The following PKP4 variants were observed in gnomAD, a reference collection of about 807,000 sequenced individuals.
PKP4 encodes plakophilin-4.
Under a neutral mutation model 145.1 loss-of-function variants are expected in PKP4, and 90 were observed. The ratio of observed to expected loss-of-function variants is 0.62; its 90% CI spans 0.52 to 0.74. The LOEUF is 0.74. PKP4 is among the 30% of genes least tolerant of loss of function. PKP4 has a pLI of 0.00. For missense variants in PKP4, 1,340 were observed against 1,482.7 expected (o/e 0.90, Z 1.58); for synonymous variants, 563 against 577.2 (o/e 0.98, Z 0.35).
chr2:158,504,044 A>G (rs1295197585), intron 1 of PKP4, among the ~76,000 whole-genome samples: 1 of 139,418 alleles, frequency 7.2e-6, no homozygotes, highest in Non-Finnish European at 1.5e-5. Flanking sequence ...TAGATTTTAT[A>G]GTTCACAAAA....
At chr2:158,496,166 G>T (rs1695681497) in intron 1 of PKP4, among the ~76,000 whole-genome samples, 1 of 25,306 alleles carries the variant, frequency 4.0e-5, no homozygotes, top group South Asian at 2.0e-3. Context: ...ATTTTTAGTA[G>T]AGACAGGTTT....
At chr2:158,559,926 G>A (rs893067676) in intron 2 of PKP4, among the ~76,000 whole-genome samples, 3 of 151,948 alleles carry the variant, frequency 2.0e-5, no homozygotes, top group Admixed American at 6.5e-5. Context: ...GAGTGCAGTG[G>A]CGCGATCTTG....
At chr2:158,608,861 C>T (rs1236217194) in intron 4 of PKP4, among the ~76,000 whole-genome samples, 4 of 123,500 alleles carry the variant, frequency 3.2e-5, no homozygotes, top group East Asian at 2.4e-4. Flanking sequence ...TTGCCATAGC[C>T]GAAGTTCGGT....
intron 3 of PKP4, among the ~76,000 whole-genome samples, chr2:158,598,683 G>A (rs948249932): frequency 3.3e-5 from 5 of 152,062 alleles, no homozygotes; most frequent in African/African-American, 1.2e-4. Flanking sequence ...GGAGGAGAAT[G>A]GTGTGAACCT....
chr2:158,561,735 C>G (rs1206411635), intron 2 of PKP4, among the ~76,000 whole-genome samples: 1 of 152,052 alleles, frequency 6.6e-6, no homozygotes. Context: ...CTCTGCTTTT[C>G]CCTCTTTCTC....
At chr2:158,514,833 CAGG>C (rs2041808968) in intron 1 of PKP4, among the ~76,000 whole-genome samples, 1 of 152,046 alleles carries the variant, frequency 6.6e-6, no homozygotes, top group Admixed American at 6.6e-5. Flanking sequence ...CCCAGCTACT[CAGG>C]AGGCTGAGGC....
At chr2:158,506,085 A>G (rs1308729247) in intron 1 of PKP4, among the ~76,000 whole-genome samples, 1 of 152,250 alleles carries the variant, frequency 6.6e-6, no homozygotes, top group Admixed American at 6.5e-5. Context: ...AGTACTTTCA[A>G]ATTAGATGAT....
chr2:158,589,971 T>C (rs899473679), intron 3 of PKP4, among the ~76,000 whole-genome samples: 8 of 152,104 alleles, frequency 5.3e-5, no homozygotes, highest in Non-Finnish European at 1.2e-4. Context: ...AAAATGTACA[T>C]GGCATGTCTG....
chr2:158,534,134 G>A (rs1308790222), intron 2 of PKP4, among the ~76,000 whole-genome samples: 2 of 151,780 alleles, frequency 1.3e-5, no homozygotes, highest in Non-Finnish European at 2.9e-5. Context: ...GCCACTAGAT[G>A]TTTTTTTCTC....
chr2:158,524,516 C>T (rs187442871), intron 1 of PKP4, among the ~76,000 whole-genome samples: 12 of 73,192 alleles, frequency 1.6e-4, no homozygotes, highest in South Asian at 6.2e-4. Context: ...CGGTACCAGC[C>T]GCTGCAAAAT....
intron 3 of PKP4, among the ~76,000 whole-genome samples, chr2:158,601,240 T>C (rs72938772): frequency 0.19 from 29,485 of 152,132 alleles, 3,678 homozygotes; most frequent in Middle Eastern, 0.36. Flanking sequence ...GTCTTGTATT[T>C]CATTAAAGTT....
intron 1 of PKP4, among the ~76,000 whole-genome samples, chr2:158,486,778 T>A (rs1249753607): frequency 6.6e-6 from 1 of 152,228 alleles, no homozygotes; most frequent in Non-Finnish European, 1.5e-5. Flanking sequence ...GGAATAATGG[T>A]GACTGAAAGT....
chr2:158,611,516 A>G (rs1333775113), intron 4 of PKP4, among the ~76,000 whole-genome samples: 3 of 152,224 alleles, frequency 2.0e-5, no homozygotes, highest in African/African-American at 7.2e-5. Context: ...TCCTAAGTCA[A>G]TTTATCTTTT....
Position 158,575,373 on chromosome 2 carries a change from G to A in PKP4, c.133-1898G>A, listed in dbSNP as rs2047757861. Among the ~76,000 whole-genome samples, 3 of 152,074 alleles carry A rather than the reference G, an allele frequency of 2.0e-5. No homozygotes were observed. The South Asian group carries it at 6.2e-4, about 32-fold the overall frequency. ...GTCACCCGTTCTGCTTTTGAGGGAA[G>A]GAATTATGAGAAATTCCAACTTCTG... On this transcript the variant is annotated intron_variant, in intron 2 of 21. Coordinates refer to ENST00000389759, the MANE Select transcript of PKP4 (RefSeq NM_003628.6).
At chr2:158,510,284 A>T (rs368334948) in intron 1 of PKP4, among the ~76,000 whole-genome samples, 1 of 152,024 alleles carries the variant, frequency 6.6e-6, no homozygotes, top group African/African-American at 2.4e-5. Flanking sequence ...TCTATTTTCA[A>T]CTCCTCAAAT....
chr2:158,516,137 T>C (rs1346303087), intron 1 of PKP4, among the ~76,000 whole-genome samples: 1 of 152,036 alleles, frequency 6.6e-6, no homozygotes, highest in East Asian at 1.9e-4. Flanking sequence ...TTTTTCATGA[T>C]TTCTCGGAGT....
rs542278105 is a variant in PKP4, at chr2:158,532,171, A to T, written c.-5-1009A>T. ...GTGGAAGTTAATTGATTATAAATGA[A>T]TAATAATAGTAGAGTAGTTTGCAAG... On this transcript the variant is annotated intron_variant, in intron 1 of 21. Transcript: ENST00000389759. Among the ~76,000 whole-genome samples, 25 of 152,350 alleles carry T rather than the reference A, an allele frequency of 1.6e-4. No homozygotes were observed. In the South Asian group the frequency reaches 5.0e-3, roughly 30 times the overall value.
intron 1 of PKP4, among the ~76,000 whole-genome samples, chr2:158,516,539 G>A (rs954311968): frequency 7.2e-5 from 11 of 152,052 alleles, no homozygotes; most frequent in African/African-American, 1.7e-4. Flanking sequence ...GAACAGCCCC[G>A]TGTAAATCCC....
intron 18 of PKP4, 49 bp from the exon 19 acceptor site, chr2:158,673,834 A>T: frequency 6.8e-7 from 1 of 1,476,060 alleles, no homozygotes; most frequent in Non-Finnish European, 9.5e-7. Flanking sequence ...TATTGTAATG[A>T]AATGTCATTA....
Sources: gnomAD v4.1 joint callset for allele counts (sites outside exome capture counted in the v4.1 genomes callset) on GRCh38, gnomAD v4.1.1 for gene constraint, MANE v1.5 for transcripts, NCBI Gene and HGNC (gene_info 2026-07-23, HGNC 2026-07-21) for gene names.